GSE1: variants seen among roughly 807,000 people sequenced by gnomAD.
GSE1 encodes the protein Gse1 coiled-coil protein.
Under a neutral mutation model 112.6 loss-of-function variants are expected in GSE1, and 32 were observed. That is an observed-to-expected ratio of 0.28 (90% CI 0.21 to 0.38). The LOEUF (loss-of-function observed/expected upper bound fraction) is 0.38. Ranked by LOEUF, GSE1 falls within the 10% of genes least tolerant of loss-of-function variation. The pLI, the probability that GSE1 is intolerant of heterozygous loss-of-function variation, is 1.00. For missense variants in GSE1, 2,348 were observed against 1,699.2 expected (o/e 1.38, Z -6.71); for synonymous variants, 1,115 against 735.6 (o/e 1.52, Z -8.35).
rs183656167 is a variant in GSE1, at chr16:85,419,674, C to T, written c.2464+62031C>T. 1.2e-3 allele frequency among the ~76,000 whole-genome samples: 184 copies of T among 152,242 alleles called. 1 individual carries two copies. The highest frequency in any genetic ancestry group is 3.4e-3 in the Middle Eastern group (1 of 294). ...CCAGAACATGCCAGCCTTTCTCATG[C>T]CTCGGGTGCAGTCGTGTGCAACGGT... On this transcript the variant is annotated intron_variant, in intron 2 of 2. Coordinates refer to the GSE1 transcript ENST00000637419. The surrounding 1 kb of genome is among the most constrained non-coding windows in gnomAD (Gnocchi z 6.5).
intron 1 of GSE1, among the ~76,000 whole-genome samples, chr16:85,212,311 C>T (rs1326963063): frequency 1.3e-5 from 2 of 152,142 alleles, no homozygotes; most frequent in African/African-American, 4.8e-5. Context: ...GAAGCTGAGG[C>T]AGGAGAATCG....
chr16:85,240,535 C>T (rs936823838), intron 1 of GSE1, among the ~76,000 whole-genome samples: 7 of 152,170 alleles, frequency 4.6e-5, no homozygotes, highest in South Asian at 2.1e-4. Context: ...CTGGCAGGGG[C>T]GAGGGGCCGG....
At chr16:85,615,394 G>A (rs567212908) in intron 1 of GSE1, among the ~76,000 whole-genome samples, 13 of 152,338 alleles carry the variant, frequency 8.5e-5, no homozygotes, top group Non-Finnish European at 1.8e-4. Flanking sequence ...TGTCGGCAGC[G>A]TTCCTGATCT....
At chr16:85,633,012 G>GTGCCGC (rs201550780) in intron 1 of GSE1, among the ~76,000 whole-genome samples, 5,903 of 81,668 alleles carry the variant, frequency 0.072, 396 homozygotes, top group African/African-American at 0.19. Context: ...CAGACCTCTG[G>GTGCCGC]TGCCGCCGCC....
chr16:85,278,152 C>T (rs926394628), intron 1 of GSE1, among the ~76,000 whole-genome samples: 1 of 152,210 alleles, frequency 6.6e-6, no homozygotes, highest in African/African-American at 2.4e-5. Context: ...GGCTGAAGTC[C>T]GGGGTCTGAA....
chr16:85,409,142 GGC>G (rs373888177), intron 2 of GSE1, among the ~76,000 whole-genome samples: 177 of 662 alleles, frequency 0.27, 86 homozygotes, highest in African/African-American at 0.74. Context: ...TTACACTCAG[GGC>G]CCCCCTGGAT....
intron 1 of GSE1, among the ~76,000 whole-genome samples, chr16:85,217,841 C>G (rs1236766603): frequency 1.3e-5 from 2 of 152,182 alleles, no homozygotes; most frequent in African/African-American, 2.4e-5. Flanking sequence ...CACCTGTGCA[C>G]TCCCTGTCCC....
At chr16:85,385,481 C>T (rs1219341162) in intron 2 of GSE1, among the ~76,000 whole-genome samples, 3 of 152,118 alleles carry the variant, frequency 2.0e-5, no homozygotes, top group East Asian at 1.9e-4. Context: ...CACCACTACC[C>T]GTGGCAGACA....
At chr16:85,481,833 G>T (rs2050689626) in intron 2 of GSE1, among the ~76,000 whole-genome samples, 1 of 152,212 alleles carries the variant, frequency 6.6e-6, no homozygotes, top group Admixed American at 6.5e-5. Context: ...GGGGCCCAGA[G>T]ATGTTATTTG....
intron 1 of GSE1, among the ~76,000 whole-genome samples, chr16:85,342,550 T>G (rs56150111): frequency 0.6 from 90,515 of 151,898 alleles, 27,529 homozygotes; most frequent in East Asian, 0.91. Context: ...CACTCTCATA[T>G]CCTTTTGGGA....
At chr16:85,297,744 C>A (rs887374589) in intron 1 of GSE1, among the ~76,000 whole-genome samples, 2 of 152,220 alleles carry the variant, frequency 1.3e-5, no homozygotes, top group African/African-American at 4.8e-5. Context: ...CTCCTGGCCT[C>A]AAGGGATCCT....
At chr16:85,416,576 G>T (rs538250733) in intron 2 of GSE1, among the ~76,000 whole-genome samples, 12 of 152,348 alleles carry the variant, frequency 7.9e-5, no homozygotes, top group African/African-American at 2.9e-4. Context: ...GTGGCAACCT[G>T]TGGGGCCTGC....
At chr16:85,214,163 C>A (rs1268325492) in intron 1 of GSE1, among the ~76,000 whole-genome samples, 2 of 152,238 alleles carry the variant, frequency 1.3e-5, no homozygotes, top group East Asian at 3.9e-4. Flanking sequence ...CGGCCTCTCC[C>A]TCTGTGGGCG....
At chr16:85,391,173 G>C (rs1471512215) in intron 2 of GSE1, among the ~76,000 whole-genome samples, 1 of 152,242 alleles carries the variant, frequency 6.6e-6, no homozygotes, top group South Asian at 2.1e-4. Context: ...CAGACCCACA[G>C]CAGCAATGAG....
At chr16:85,360,139 G>C (rs2151576982) in intron 2 of GSE1, among the ~76,000 whole-genome samples, 1 of 152,260 alleles carries the variant, frequency 6.6e-6, no homozygotes, top group African/African-American at 2.4e-5. Flanking sequence ...TGGGGATGGG[G>C]CTGGTCACTC....
chr16:85,667,216 C>G (rs975316129), intron 13 of GSE1, among the ~76,000 whole-genome samples: 6 of 152,234 alleles, frequency 3.9e-5, no homozygotes, highest in African/African-American at 1.4e-4. Context: ...TTTCTGTGGC[C>G]CTAGGACACT....
rs1243868648 is a variant in GSE1, at chr16:85,569,429, C to G, written c.37+13066C>G. On this transcript the variant is annotated intron_variant, in intron 1 of 2. Transcript: ENST00000635906. Reference sequence around the variant, plus strand: ...GAGTCCTTGTGTATGAGACTGTGGGCAAGTTACTGAAACTCTCTGGGCCTC... The same window carrying G: ...GAGTCCTTGTGTATGAGACTGTGGGGAAGTTACTGAAACTCTCTGGGCCTC... Among the ~76,000 whole-genome samples the G allele has an allele frequency of 2.6e-5, 4 of 152,210 alleles. No homozygotes were observed. The South Asian group carries it at 8.3e-4, about 31-fold the overall frequency.
intron 1 of GSE1, among the ~76,000 whole-genome samples, chr16:85,625,590 G>A (rs192436472): frequency 2.4e-4 from 37 of 152,292 alleles, no homozygotes; most frequent in Admixed American, 1.0e-3. Context: ...TCTGCACCCC[G>A]TGTTCTTCTG....
At chr16:85,431,790 C>T (rs1433860544) in intron 2 of GSE1, among the ~76,000 whole-genome samples, 2 of 152,264 alleles carry the variant, frequency 1.3e-5, no homozygotes, top group Admixed American at 6.5e-5. Flanking sequence ...GCCACCCACG[C>T]ACCCTCTCCT....
Sources: gnomAD v4.1 joint callset for allele counts (sites outside exome capture counted in the v4.1 genomes callset) on GRCh38, gnomAD v4.1.1 for gene constraint, Gnocchi (gnomAD v3.1) non-coding constraint, MANE v1.5 for transcripts, NCBI Gene and HGNC (gene_info 2026-07-23, HGNC 2026-07-21) for gene names.